The following UBE2D3 variants were observed in gnomAD, a reference collection of about 807,000 sequenced individuals.
The protein encoded by UBE2D3 is ubiquitin conjugating enzyme E2 D3, also known as ubiquitin-conjugating enzyme E2 D3.
Under a neutral mutation model 22.8 loss-of-function variants are expected in UBE2D3, and 2 were observed. That is an observed-to-expected ratio of 0.09 (90% CI 0.04 to 0.28). UBE2D3 has a LOEUF of 0.28. Among genes scored for constraint, UBE2D3 ranks in the 10% least tolerant of loss-of-function variants. The probability of loss-of-function intolerance (pLI) is 1.00; values close to 1 mark genes in which losing one functional copy is unlikely to be tolerated. For missense variants in UBE2D3, 27 were observed against 182.5 expected, an observed-to-expected ratio of 0.15 and a Z score of 4.91; for synonymous variants, 56 against 60.4, an observed-to-expected ratio of 0.93 and a Z score of 0.34.
At chr4:102,858,569 G>T (rs1465238938) in intron 1 of UBE2D3, among the ~76,000 whole-genome samples, 1 of 151,752 alleles carries the variant, frequency 6.6e-6, no homozygotes, top group Non-Finnish European at 1.5e-5. Flanking sequence ...AAAGTTTAAA[G>T]TCATTTTCGA....
chr4:102,846,153 T>G (rs1336745624), intron 1 of UBE2D3, among the ~76,000 whole-genome samples: 1 of 152,182 alleles, frequency 6.6e-6, no homozygotes, highest in Non-Finnish European at 1.5e-5. Flanking sequence ...ATGTTCCCAC[T>G]AAGATCAGCT....
At position 102,794,740 on chromosome 4, in the gene UBE2D3, G is replaced by A. The variant is rs1454040505; in HGVS notation, c.*2675C>T. ...TTAACTGTGGTTCATACTTTAAAAT[G>A]TGAGTACACCCACACAAGAAAGCAA... is the stretch of plus-strand genomic sequence containing the variant. On this transcript the variant is annotated 3_prime_UTR_variant, in exon 8 of 8. Transcript: ENST00000453744. The A allele has an allele frequency of 1.3e-5, 2 of 151,754 alleles. No individual in the cohort carries two copies. The highest frequency in any genetic ancestry group is 6.6e-5 in the Admixed American group (1 of 15,218). 9.4% of individuals were successfully genotyped at this position (151,754 alleles called of 1,614,324 possible). A position where few individuals can be genotyped will look rare whatever the true frequency, so the allele number is the denominator to read the frequency against.
chr4:102,825,075 T>C (rs1269114539), intron 2 of UBE2D3, among the ~76,000 whole-genome samples: 2 of 152,208 alleles, frequency 1.3e-5, no homozygotes, highest in East Asian at 3.8e-4. Context: ...GATTTAAACC[T>C]TCCTCTTTCA....
At chr4:102,817,357 ACAC>A (rs1261742200) in intron 2 of UBE2D3, among the ~76,000 whole-genome samples, 3 of 152,244 alleles carry the variant, frequency 2.0e-5, no homozygotes, top group East Asian at 1.9e-4. Flanking sequence ...TAGCAGTCGT[ACAC>A]CACAAGTGTT....
intron 2 of UBE2D3, among the ~76,000 whole-genome samples, chr4:102,816,937 T>C (rs931063946): frequency 6.6e-6 from 1 of 152,174 alleles, no homozygotes. Flanking sequence ...AAAATTATAC[T>C]TTAACAACCT....
intron 1 of UBE2D3, among the ~76,000 whole-genome samples, chr4:102,835,041 G>A (rs973967401): frequency 6.6e-6 from 1 of 152,036 alleles, no homozygotes; most frequent in African/African-American, 2.4e-5. Context: ...GGTATCCTTA[G>A]TGTTCACTTA....
At chr4:102,803,267 T>G (rs1057030903) in intron 4 of UBE2D3, among the ~76,000 whole-genome samples, 2 of 152,198 alleles carry the variant, frequency 1.3e-5, no homozygotes, top group African/African-American at 4.8e-5. Flanking sequence ...GAAGACCACT[T>G]AATGATCAAA....
At position 102,797,194 on chromosome 4, in the gene UBE2D3, G is replaced by C. The variant is rs537257204; in HGVS notation, c.*221C>G. On this transcript the variant is annotated 3_prime_UTR_variant, in exon 8 of 8. Transcript: ENST00000453744. ...CTGAGTCTTGGGCAACTGTTCTCTT[G>C]TAACTACTTTACAGTTTCTAAAAGC... The C allele has an allele frequency of 2.4e-6, 1 of 409,996 alleles. No individual in the cohort carries two copies. The highest frequency in any genetic ancestry group is 2.1e-5 in the African/African-American group (1 of 48,456). The allele number at this position is 409,996 out of a possible 1,614,324, so 25.4% of individuals were successfully genotyped here. A position where few individuals can be genotyped will look rare whatever the true frequency, so the allele number is the denominator to read the frequency against.
At chr4:102,865,004 C>A (rs927264834) in intron 1 of UBE2D3, among the ~76,000 whole-genome samples, 2 of 152,090 alleles carry the variant, frequency 1.3e-5, no homozygotes. Context: ...CTTTCTCATG[C>A]ACAAAAAGTA....
chr4:102,821,143 C>T (rs1172440154), intron 2 of UBE2D3, among the ~76,000 whole-genome samples: 1 of 152,070 alleles, frequency 6.6e-6, no homozygotes, highest in Admixed American at 6.6e-5. Context: ...AATAACACTG[C>T]TATGGTAGCA....
chr4:102,797,260 T>A lies in UBE2D3; in HGVS notation c.*155A>T. On this transcript the variant is annotated 3_prime_UTR_variant, in exon 8 of 8. Coordinates refer to ENST00000453744, the MANE Select transcript of UBE2D3 (RefSeq NM_181891.3). Reference sequence around the variant, plus strand: ...CTGGAAGAACTTAAGTCTTCTCAGATGAGCATGTGAATGAATGGAGGGAGG... The same window carrying A: ...CTGGAAGAACTTAAGTCTTCTCAGAAGAGCATGTGAATGAATGGAGGGAGG... 1 of 582,010 alleles carries A rather than the reference T, an allele frequency of 1.7e-6. No individual in the cohort carries two copies. The highest frequency in any genetic ancestry group is 3.0e-6 in the Non-Finnish European group (1 of 332,926). The allele number at this position is 582,010 out of a possible 1,614,324, so 36.1% of individuals were successfully genotyped here.
At chr4:102,804,723 G>C (rs879788313) in intron 4 of UBE2D3, among the ~76,000 whole-genome samples, 3 of 152,054 alleles carry the variant, frequency 2.0e-5, no homozygotes, top group Non-Finnish European at 2.9e-5. Flanking sequence ...GCCCAGACTG[G>C]AGTGCAGTGG....
Position 102,797,276 on chromosome 4 carries a change from T to A in UBE2D3, c.*139A>T. The A allele has an allele frequency of 1.5e-6, 1 of 645,508 alleles. No individual in the cohort carries two copies. Among genetic ancestry groups the A allele is most frequent in the East Asian group, 2.7e-5 (1 of 36,774 alleles). The allele number at this position is 645,508 out of a possible 1,614,324, so 40.0% of individuals were successfully genotyped here. On this transcript the variant is annotated 3_prime_UTR_variant, in exon 8 of 8. Coordinates refer to ENST00000453744, the MANE Select transcript of UBE2D3 (RefSeq NM_181891.3). The stretch of plus-strand genomic sequence containing the variant: ...CTTCTCAGATGAGCATGTGAATGAA[T>A]GGAGGGAGGTAAACAAAAAATAAAA...
chr4:102,802,702 T>G lies in UBE2D3; in HGVS notation c.121-64A>C. On this transcript the variant is annotated intron_variant, in intron 4 of 7. Transcript: ENST00000453744. ...ATTATTGCTAAATATTCCGTAACAT[T>G]TGTTTCCAAGCATTTCTCTAATAAT... 3.0e-6 allele frequency: 4 copies of G among 1,328,192 alleles called. No individual in the cohort carries two copies. The South Asian group carries it at 5.5e-5, about 18-fold the overall frequency. 82.3% of individuals were successfully genotyped at this position (1,328,192 alleles called of 1,614,324 possible).
intron 7 of UBE2D3, chr4:102,798,911 A>G (rs750713183): frequency 6.2e-7 from 1 of 1,610,818 alleles, no homozygotes; most frequent in Non-Finnish European, 8.5e-7. Flanking sequence ...CGCACCATAG[A>G]GTGCAGATCC....
chr4:102,842,321 C>A (rs1731800362), intron 1 of UBE2D3, among the ~76,000 whole-genome samples: 1 of 151,106 alleles, frequency 6.6e-6, no homozygotes, highest in Non-Finnish European at 1.5e-5. Context: ...GATGCCAAAG[C>A]AGGAGAATCA....
intron 1 of UBE2D3, chr4:102,843,618 T>C (rs1731884543): frequency 6.6e-6 from 1 of 152,112 alleles, no homozygotes; most frequent in African/African-American, 2.4e-5. Context: ...GAAAAAAGTA[T>C]GGATGTTATG....
chr4:102,803,027 C>T (rs1376240807), intron 4 of UBE2D3, among the ~76,000 whole-genome samples: 2 of 152,302 alleles, frequency 1.3e-5, no homozygotes, highest in African/African-American at 4.8e-5. Context: ...CAAATGGCTT[C>T]ACAACAGTCC....
intron 2 of UBE2D3, chr4:102,813,058 C>T (rs1189273717): frequency 6.6e-6 from 1 of 152,146 alleles, no homozygotes; most frequent in African/African-American, 2.4e-5. Flanking sequence ...AATAATTGTA[C>T]TACCTTTAAA....
Sources: gnomAD v4.1 joint callset for allele counts (sites outside exome capture counted in the v4.1 genomes callset) on GRCh38, gnomAD v4.1.1 for gene constraint, MANE v1.5 for transcripts, NCBI Gene and HGNC (gene_info 2026-07-23, HGNC 2026-07-21) for gene names.